The following DYNC1I1 variants were observed in gnomAD, a reference collection of about 807,000 sequenced individuals.
The protein encoded by DYNC1I1 is cytoplasmic dynein 1 intermediate chain 1.
DYNC1I1 carries 43 observed loss-of-function variants against 86.6 expected under a neutral mutation model. The ratio of observed to expected loss-of-function variants is 0.50; its 90% confidence interval spans 0.39 to 0.64. The LOEUF (loss-of-function observed/expected upper bound fraction) is 0.64, where lower values mean the gene tolerates loss of function less well. Among genes scored for constraint, DYNC1I1 ranks in the 30% least tolerant of loss-of-function variants. The probability of loss-of-function intolerance (pLI) is 0.00; values close to 1 mark genes in which losing one functional copy is unlikely to be tolerated. For missense variants in DYNC1I1, 604 were observed against 788.8 expected (o/e 0.77, Z 2.81); for synonymous variants, 262 against 283.7 (o/e 0.92, Z 0.77).
intron 14 of DYNC1I1, among the ~76,000 whole-genome samples, chr7:96,075,832 C>G (rs1053877227): frequency 6.6e-6 from 1 of 152,062 alleles, no homozygotes; most frequent in Non-Finnish European, 1.5e-5. Flanking sequence ...TCCCCACCCC[C>G]GGTCCCAGCC....
intron 6 of DYNC1I1, among the ~76,000 whole-genome samples, chr7:95,943,163 A>G (rs1792285283): frequency 6.6e-6 from 1 of 151,104 alleles, no homozygotes; most frequent in Admixed American, 6.6e-5. Context: ...CTGATAAGCA[A>G]CTTCAGCAAA....
At chr7:95,785,591 A>T (rs1461333369) in intron 1 of DYNC1I1, among the ~76,000 whole-genome samples, 9 of 151,848 alleles carry the variant, frequency 5.9e-5, no homozygotes, top group Admixed American at 5.9e-4. Context: ...TCCCAAAAAC[A>T]GAGAGTAGAC....
chr7:95,979,103 G>A (rs936781231), intron 7 of DYNC1I1, among the ~76,000 whole-genome samples: 1 of 152,148 alleles, frequency 6.6e-6, no homozygotes, highest in Non-Finnish European at 1.5e-5. Flanking sequence ...CACAATTTTA[G>A]AAAATTATTA....
intron 5 of DYNC1I1, among the ~76,000 whole-genome samples, chr7:95,853,848 T>C (rs1283682318): frequency 6.6e-6 from 1 of 152,226 alleles, no homozygotes; most frequent in Non-Finnish European, 1.5e-5. Flanking sequence ...TATACATTTA[T>C]AAATGTTATG....
At chr7:95,845,679 G>A (rs1789405757) in intron 5 of DYNC1I1, among the ~76,000 whole-genome samples, 1 of 152,126 alleles carries the variant, frequency 6.6e-6, no homozygotes, top group African/African-American at 2.4e-5. Flanking sequence ...TAATATGTAT[G>A]TGTATCAAAA....
At chr7:96,083,121 A>T (rs542771539) in intron 16 of DYNC1I1, among the ~76,000 whole-genome samples, 7 of 152,128 alleles carry the variant, frequency 4.6e-5, no homozygotes, top group Non-Finnish European at 1.0e-4. Context: ...TATTTTATTG[A>T]GAGTAGGTAA....
At chr7:96,107,803 G>A (rs1470307754) in intron 16 of DYNC1I1, among the ~76,000 whole-genome samples, 1 of 151,768 alleles carries the variant, frequency 6.6e-6, no homozygotes, top group Non-Finnish European at 1.5e-5. Context: ...TGGGATTACA[G>A]GCGTGAGCCA....
At chr7:95,915,906 C>A (rs774887942) in intron 6 of DYNC1I1, among the ~76,000 whole-genome samples, 1 of 152,122 alleles carries the variant, frequency 6.6e-6, no homozygotes, top group Admixed American at 6.6e-5. Context: ...AGTGAAACTG[C>A]GCTTGGTAGT....
chr7:95,905,701 C>CTT (rs200103877), intron 6 of DYNC1I1, among the ~76,000 whole-genome samples: 4 of 143,010 alleles, frequency 2.8e-5, no homozygotes, highest in Admixed American at 7.0e-5. Context: ...TGTGTCTGGG[C>CTT]TTTTTTTTTT....
At chr7:95,896,000 T>C (rs1354598864) in intron 6 of DYNC1I1, among the ~76,000 whole-genome samples, 1 of 152,198 alleles carries the variant, frequency 6.6e-6, no homozygotes, top group African/African-American at 2.4e-5. Context: ...AGGGCAGTTA[T>C]CTGAGAGAAG....
In DYNC1I1 at chr7:95,860,461, G is replaced by A. The variant is rs187800457; in HGVS notation, c.375-9422G>A. ...TGGCAGCATCTTTAATGTATCTGAC[G>A]ATGAAATATCGTGATGTGAATAGCA... On this transcript the variant is annotated intron_variant, in intron 5 of 16. Transcript: ENST00000447467. Among the ~76,000 whole-genome samples the A allele has an allele frequency of 4.6e-5, 7 of 152,250 alleles. No individual in the cohort carries two copies. In the East Asian group the frequency reaches 5.8e-4, roughly 13 times the overall value.
At chr7:95,805,388 G>T (rs534797203) in intron 2 of DYNC1I1, among the ~76,000 whole-genome samples, 2 of 152,172 alleles carry the variant, frequency 1.3e-5, no homozygotes, top group South Asian at 4.1e-4. Flanking sequence ...AAGCATCTTA[G>T]GTTTGGTAAG....
At chr7:95,946,861 T>C (rs1206968904) in intron 6 of DYNC1I1, among the ~76,000 whole-genome samples, 1 of 152,108 alleles carries the variant, frequency 6.6e-6, no homozygotes, top group Non-Finnish European at 1.5e-5. Context: ...GTGTGTGCTA[T>C]AGAGAAGAAA....
At chr7:95,913,448 A>C (rs1465940268) in intron 6 of DYNC1I1, among the ~76,000 whole-genome samples, 1 of 152,118 alleles carries the variant, frequency 6.6e-6, no homozygotes, top group Non-Finnish European at 1.5e-5. Flanking sequence ...GTTGGAGGTA[A>C]TTGAATCACG....
At chr7:95,822,701 T>G (rs1414753206) in intron 4 of DYNC1I1, among the ~76,000 whole-genome samples, 1 of 151,974 alleles carries the variant, frequency 6.6e-6, no homozygotes, top group African/African-American at 2.4e-5. Context: ...AGACAGAACC[T>G]CAGAAAGTTA....
At chr7:95,773,295 A>G (rs1793754309) in intron 1 of DYNC1I1, among the ~76,000 whole-genome samples, 1 of 152,238 alleles carries the variant, frequency 6.6e-6, no homozygotes, top group Non-Finnish European at 1.5e-5. Flanking sequence ...CAGGGCATTA[A>G]TTAAACACTT....
chr7:95,843,833 A>C (rs1789355635), intron 5 of DYNC1I1, among the ~76,000 whole-genome samples: 1 of 152,250 alleles, frequency 6.6e-6, no homozygotes, highest in African/African-American at 2.4e-5. Flanking sequence ...CCATTATAAT[A>C]GATTAGGTGA....
rs1460194590 is a variant in DYNC1I1, at chr7:95,962,048, GAGAGT to G, written c.491-15459_491-15455del. 3.3e-5 allele frequency among the ~76,000 whole-genome samples: 5 copies of G among 152,308 alleles called. No homozygotes were observed. In the South Asian group the frequency reaches 8.3e-4, roughly 25 times the overall value. ...GGGGCCAGACATTGGTCTGAGAGCTGAGAGTAGAGAGAAAATTCAGTACTCAATTT... is the reference window on the plus strand; with the variant it reads ...GGGGCCAGACATTGGTCTGAGAGCTGAGAGAGAAAATTCAGTACTCAATTT... On this transcript the variant is annotated intron_variant, in intron 6 of 16. Transcript: ENST00000447467.
At chr7:95,905,436 A>G (rs1433218818) in intron 6 of DYNC1I1, among the ~76,000 whole-genome samples, 1 of 152,180 alleles carries the variant, frequency 6.6e-6, no homozygotes, top group African/African-American at 2.4e-5. Context: ...AGACCTACTC[A>G]GCTGCAGACT....
Sources: gnomAD v4.1 joint callset for allele counts (sites outside exome capture counted in the v4.1 genomes callset) on GRCh38, gnomAD v4.1.1 for gene constraint, MANE v1.5 for transcripts, NCBI Gene and HGNC (gene_info 2026-07-23, HGNC 2026-07-21) for gene names.